CMYA5: variants seen among roughly 807,000 people sequenced by gnomAD.
CMYA5 encodes cardiomyopathy-associated protein 5.
In CMYA5, 246 loss-of-function variants were observed where a neutral mutation model predicts 318.9. That is an observed-to-expected ratio of 0.77 (90% CI 0.70 to 0.86). The LOEUF (loss-of-function observed/expected upper bound fraction) is 0.86. Ranked by LOEUF, CMYA5 falls within the 40% of genes least tolerant of loss-of-function variation. CMYA5 has a pLI of 0.00. For missense variants in CMYA5, 4,589 were observed against 4,678.2 expected (o/e 0.98, Z 0.56); for synonymous variants, 1,641 against 1,729.5 (o/e 0.95, Z 1.27).
chr5:79,784,796 C>A (rs1211760175), intron 9 of CMYA5, among the ~76,000 whole-genome samples: 1 of 149,238 alleles, frequency 6.7e-6, no homozygotes, highest in African/African-American at 2.5e-5. Context: ...TGCGCGCACA[C>A]ACTGGCCTGC....
chr5:79,767,379 T>C (rs1457543858), intron 9 of CMYA5, among the ~76,000 whole-genome samples: 3 of 152,224 alleles, frequency 2.0e-5, no homozygotes, highest in Non-Finnish European at 4.4e-5. Context: ...TCTCTTGTTC[T>C]TTTGATTGTG....
At chr5:79,717,845 A>G (rs1287486521) in intron 1 of CMYA5, among the ~76,000 whole-genome samples, 1 of 151,314 alleles carries the variant, frequency 6.6e-6, no homozygotes, top group Non-Finnish European at 1.5e-5. Context: ...ATTTTTTCTT[A>G]ACTCCCTAAT....
rs770946096 is a variant in CMYA5, at chr5:79,799,564, A to G, written c.12158A>G (p.Lys4053Arg). 6.2e-7 allele frequency: 1 copy of G among 1,613,942 alleles called. No individual in the cohort carries two copies. The highest frequency in any genetic ancestry group is 1.1e-5 in the South Asian group (1 of 91,064). ...HPAFALEKPG[K>R]CTLHLGIEPP... Reference sequence around the variant, plus strand: ...GCCTTTGCCCTGGAGAAACCTGGAAAATGTACTTTGCACCTGGGGATAGAG... The same window carrying G: ...GCCTTTGCCCTGGAGAAACCTGGAAGATGTACTTTGCACCTGGGGATAGAG... Residue 4053 changes from lysine (K) to arginine (R), a missense_variant, in exon 13 of 13, where the codon AAA becomes AGA. Lys to Arg is a conservative substitution (Grantham distance 26, BLOSUM62 2). Transcript: ENST00000446378.
In CMYA5 at chr5:79,731,489, T is replaced by A; in HGVS notation, c.2724T>A (p.Tyr908Ter). 1 of 1,606,978 alleles carries A rather than the reference T, an allele frequency of 6.2e-7. No homozygotes were observed. The highest frequency in any genetic ancestry group is 1.3e-5 in the African/African-American group (1 of 74,910). Residue 908 changes from tyrosine (Y) to a stop codon, truncating the protein, a stop_gained, in exon 2 of 13, where the codon TAT (tyrosine) becomes TAA (stop). Transcript: ENST00000446378. LOFTEE classifies it high-confidence loss of function. ...CTTCTGAATTTTCAGTACCACCATA[T>A]GCAACACCGGAGGCACAGGAGGAAG... ...TSASEFSVPP[Y>*]ATPEAQEEEI... is the part of the protein sequence containing the mutation.
At position 79,733,783 on chromosome 5, in the gene CMYA5, C is replaced by G; in HGVS notation, c.5018C>G (p.Pro1673Arg). ...ETEDSVLEKGPAELRSREGKE... is the reference protein window; with the variant it reads ...ETEDSVLEKGRAELRSREGKE... ...GAGGATTCTGTTTTAGAAAAAGGCC[C>G]AGCTGAGCTTAGGAGCAGAGAAGGA... Residue 1673 changes from proline to arginine, a missense_variant, in exon 2 of 13, where the codon CCA (proline) becomes CGA (arginine). This residue lies in a region of CMYA5 where 2,132 missense variants were observed against 2,131.3 expected (regional missense o/e 1.00). Coordinates refer to ENST00000446378, the MANE Select transcript of CMYA5 (RefSeq NM_153610.5). 1 of 1,613,576 alleles carries G rather than the reference C, an allele frequency of 6.2e-7. No homozygotes were observed. Among genetic ancestry groups the G allele is most frequent in the Non-Finnish European group, 8.5e-7 (1 of 1,179,798 alleles).
chr5:79,692,214 G>A (rs748685613), intron 1 of CMYA5, among the ~76,000 whole-genome samples: 2 of 152,120 alleles, frequency 1.3e-5, no homozygotes, highest in East Asian at 1.9e-4. Context: ...CCACCATCAC[G>A]GCCTGAGTGA....
intron 9 of CMYA5, among the ~76,000 whole-genome samples, chr5:79,765,973 C>A (rs1828742828): frequency 6.6e-6 from 1 of 152,210 alleles, no homozygotes; most frequent in Non-Finnish European, 1.5e-5. Context: ...TATTTGAATA[C>A]CTTTTTTTCT....
intron 5 of CMYA5, among the ~76,000 whole-genome samples, chr5:79,749,851 A>G (rs891814464): frequency 2.0e-5 from 3 of 152,174 alleles, no homozygotes; most frequent in African/African-American, 7.2e-5. Flanking sequence ...ATACTACTTT[A>G]ATAATTTTGT....
At position 79,738,811 on chromosome 5, in the gene CMYA5, T is replaced by G; in HGVS notation, c.10046T>G (p.Leu3349Arg). ...CCATTTGAAGACACCCATCATGTTCTGGAGCGTGCAGATGAAGCAGGCAGT... is the reference window on the plus strand; with the variant it reads ...CCATTTGAAGACACCCATCATGTTCGGGAGCGTGCAGATGAAGCAGGCAGT... ...AVPFEDTHHV[L>R]ERADEAGSHG... Residue 3349 changes from leucine to arginine, a missense_variant, in exon 2 of 13, where the codon CTG (leucine) becomes CGG (arginine). Coordinates refer to ENST00000446378, the MANE Select transcript of CMYA5 (RefSeq NM_153610.5). The G allele has an allele frequency of 5.0e-6, 8 of 1,613,910 alleles. No homozygotes were observed. Among genetic ancestry groups the G allele is most frequent in the Non-Finnish European group, 6.8e-6 (8 of 1,179,860 alleles).
At position 79,734,517 on chromosome 5, in the gene CMYA5, TCCTCTAG is replaced by T; in HGVS notation, c.5754_5760del (p.Ser1919AlafsTer4). On this transcript the variant is annotated frameshift_variant, in exon 2 of 13. Transcript: ENST00000446378. LOFTEE classifies it high-confidence loss of function. ...AATAGCAGGATCTGTGCAGCTGGAT[TCCTCTAG>T]CAGCAATGAGCTGAGGCCAGGGCAG... 6.2e-7 allele frequency: 1 copy of T among 1,613,674 alleles called. No individual in the cohort carries two copies. Among genetic ancestry groups the T allele is most frequent in the Non-Finnish European group, 8.5e-7 (1 of 1,179,692 alleles).
rs1827978511 is a variant in CMYA5 at position 79,733,741 on chromosome 5, C to T, written c.4976C>T (p.Ser1659Phe). 1 of 1,613,552 alleles carries T rather than the reference C, an allele frequency of 6.2e-7. No homozygotes were observed. Among genetic ancestry groups the T allele is most frequent in the African/African-American group, 1.3e-5 (1 of 74,856 alleles). The stretch of plus-strand genomic sequence containing the variant: ...TCCATAGGTACAAAACAAGCAAAGT[C>T]TCCCATAACTGAAACAGAGGATTCT... ...SGSIGTKQAK[S>F]PITETEDSVL... Residue 1659 changes from serine (S) to phenylalanine (F), a missense_variant, in exon 2 of 13, where the codon TCT (serine) becomes TTT (phenylalanine). Ser to Phe is a radical substitution (Grantham distance 155). Around this residue, in one of 3 missense-constraint regions of CMYA5, gnomAD observed 2,132 missense variants for 2,131.3 expected, o/e 1.00. Transcript: ENST00000446378.
chr5:79,732,193 G>A lies in CMYA5; in HGVS notation c.3428G>A (p.Ser1143Asn). ...GTGGAGAAGGGAGAAAGGGAGGCAA[G>A]TTCATCAGTAGCTGCAATACCTGCT... ...SEVEKGEREA[S>N]SSVAAIPAAL... The change falls in exon 2 of 13, where the codon AGT (serine) becomes AAT (asparagine). Residue 1143 changes from serine (S) to asparagine (N), a missense_variant. Ser to Asn is a conservative substitution (Grantham distance 46). Transcript: ENST00000446378. 1 of 1,613,908 alleles carries A rather than the reference G, an allele frequency of 6.2e-7. No individual in the cohort carries two copies. Among genetic ancestry groups the A allele is most frequent in the Non-Finnish European group, 8.5e-7 (1 of 1,179,876 alleles).
chr5:79,726,067 A>G (rs72635616), intron 1 of CMYA5, among the ~76,000 whole-genome samples: 2,479 of 152,328 alleles, frequency 0.016, 92 homozygotes, highest in East Asian at 0.16. Flanking sequence ...TTAAGTAAAG[A>G]AATACATGAA....
intron 1 of CMYA5, among the ~76,000 whole-genome samples, chr5:79,711,026 CT>C (rs1827379637): frequency 6.6e-6 from 1 of 152,128 alleles, no homozygotes; most frequent in African/African-American, 2.4e-5. Context: ...AAAAACAAAG[CT>C]ATTGAATCTC....
chr5:79,733,239 G>A lies in CMYA5; in HGVS notation c.4474G>A (p.Glu1492Lys). 1 of 1,613,708 alleles carries A rather than the reference G, an allele frequency of 6.2e-7. No individual in the cohort carries two copies. The highest frequency in any genetic ancestry group is 8.5e-7 in the Non-Finnish European group (1 of 1,179,832). The change falls in exon 2 of 13, where the codon GAA becomes AAA. Residue 1492 changes from glutamate to lysine, a missense_variant. Glu to Lys is a moderately conservative substitution (Grantham distance 56). Coordinates refer to ENST00000446378, the MANE Select transcript of CMYA5 (RefSeq NM_153610.5). The stretch of plus-strand genomic sequence containing the variant: ...AGATAAATCTGAGGAAGCAAGGGTA[G>A]AAGACAAACAAGATCTTTTATTTTC... ...HSDKSEEARV[E>K]DKQDLLFSTV... is the part of the protein sequence containing the mutation.
chr5:79,753,721 G>A (rs990578167), intron 6 of CMYA5, among the ~76,000 whole-genome samples: 2 of 122,310 alleles, frequency 1.6e-5, no homozygotes, highest in African/African-American at 5.7e-5. Flanking sequence ...GCTACTGTAT[G>A]TCTAAAAAGA....
chr5:79,761,416 T>A (rs1194107576), intron 7 of CMYA5, among the ~76,000 whole-genome samples: 1 of 152,232 alleles, frequency 6.6e-6, no homozygotes, highest in Non-Finnish European at 1.5e-5. Flanking sequence ...GTCCTTTTTT[T>A]ATGACATACT....
rs143150177 is a variant in CMYA5, at chr5:79,735,040, G to A, written c.6275G>A (p.Ser2092Asn). ...GGCAATGAAAAAGAAGCACACAGGA[G>A]CACACCTCCTTTTCCTGAAGAGAAG... The part of the protein sequence containing the change: ...ALGNEKEAHR[S>N]TPPFPEEKPL... Residue 2092 changes from serine (S) to asparagine (N), a missense_variant, in exon 2 of 13, where the codon AGC (serine) becomes AAC (asparagine). This residue lies in a region of CMYA5 where 2,431 missense variants were observed against 2,495.1 expected (regional missense o/e 0.97). Transcript: ENST00000446378. 4 of 1,613,698 alleles carry A rather than the reference G, an allele frequency of 2.5e-6. No individual in the cohort carries two copies. The Admixed American group carries it at 6.7e-5, about 27-fold the overall frequency.
At chr5:79,756,157 C>T (rs561462950) in intron 6 of CMYA5, among the ~76,000 whole-genome samples, 46 of 152,326 alleles carry the variant, frequency 3.0e-4, no homozygotes, top group Non-Finnish European at 5.6e-4. Flanking sequence ...TAGAATGTGA[C>T]ATCCATTTCC....
Sources: allele counts gnomAD v4.1 joint callset (sites outside exome capture counted in the v4.1 genomes callset), GRCh38; gene constraint gnomAD v4.1.1; regional missense constraint gnomAD v4.1.1; transcripts MANE v1.5; gene names NCBI Gene and HGNC (gene_info 2026-07-23, HGNC 2026-07-21).